The following GALNT15 variants were observed in gnomAD, a reference collection of about 807,000 sequenced individuals.
GALNT15 encodes polypeptide N-acetylgalactosaminyltransferase 15, also known as UDP-GalNAc transferase T15.
In GALNT15, 67 loss-of-function variants were observed where a neutral mutation model predicts 66.8. The ratio of observed to expected loss-of-function variants is 1.00; its 90% CI spans 0.82 to 1.23. The LOEUF (loss-of-function observed/expected upper bound fraction) is 1.23, where lower values mean the gene tolerates loss of function less well. Among genes scored for constraint, GALNT15 ranks in the 50% most tolerant of loss-of-function variants. GALNT15 has a pLI of 0.00. For missense variants in GALNT15, 827 were observed against 804.3 expected, an observed-to-expected ratio of 1.03 and a Z score of -0.34; for synonymous variants, 313 against 311.5, an observed-to-expected ratio of 1.00 and a Z score of -0.05.
downstream of GALNT15, among the ~76,000 whole-genome samples, chr3:16,234,315 C>T (rs899289730): frequency 1.9e-4 from 29 of 152,114 alleles, no homozygotes; most frequent in African/African-American, 6.5e-4. Context: ...ATTTCTTCAC[C>T]TGGGTTTCTT....
rs1359261721 is a variant in GALNT15, at chr3:16,187,804, G to T, written c.540-7956G>T. Among the ~76,000 whole-genome samples, 2 of 152,182 alleles carry T rather than the reference G, an allele frequency of 1.3e-5. No homozygotes were observed. Among genetic ancestry groups the T allele is most frequent in the Non-Finnish European group, 2.9e-5 (2 of 68,040 alleles). ...TGTAATAATTCTTGTAATAATTCATGCTGCTAAAGCACAGCACCTGGTACA... is the reference window on the plus strand; with the variant it reads ...TGTAATAATTCTTGTAATAATTCATTCTGCTAAAGCACAGCACCTGGTACA... On this transcript the variant is annotated intron_variant, in intron 1 of 9. Transcript: ENST00000339732. The surrounding 1 kb of genome is among the most constrained non-coding windows in gnomAD (Gnocchi z 5.1).
chr3:16,231,262 A>C (rs764504820), downstream of GALNT15, among the ~76,000 whole-genome samples: 3 of 152,160 alleles, frequency 2.0e-5, no homozygotes, highest in Non-Finnish European at 4.4e-5. The surrounding 1 kb of genome is among the most constrained non-coding windows in gnomAD (Gnocchi z 4.1). Context: ...ACCATGGCAC[A>C]TGTATTCCTA....
chr3:16,233,787 T>C (rs1005496980), downstream of GALNT15, among the ~76,000 whole-genome samples: 1 of 152,216 alleles, frequency 6.6e-6, no homozygotes, highest in Non-Finnish European at 1.5e-5. Flanking sequence ...AGCAAATAAA[T>C]TAATAGCTCA....
the GALNT15 span, chr3:16,243,997 T>G: frequency 1.0e-6 from 1 of 985,304 alleles, no homozygotes; most frequent in Non-Finnish European, 1.2e-6. Flanking sequence ...GACTTTTTCT[T>G]TCTCAGGTCT....
the GALNT15 span, among the ~76,000 whole-genome samples, chr3:16,237,701 T>C: frequency 6.6e-6 from 1 of 152,184 alleles, no homozygotes. This position sits in a 1 kb window ranked among gnomAD's most constrained non-coding sequence, Gnocchi z 4.2. Context: ...GGAATGTAAC[T>C]CTTTGAGAGT....
At chr3:16,210,578 T>A (rs2063801551) in intron 4 of GALNT15, among the ~76,000 whole-genome samples, 1 of 152,214 alleles carries the variant, frequency 6.6e-6, no homozygotes, top group Admixed American at 6.5e-5. Context: ...TATTAAAGGT[T>A]TCTAGCTTCT....
At chr3:16,220,568 G>C (rs907479388) in intron 8 of GALNT15, among the ~76,000 whole-genome samples, 1 of 152,178 alleles carries the variant, frequency 6.6e-6, no homozygotes, top group Non-Finnish European at 1.5e-5. Context: ...GGGCTGGTAG[G>C]TCCACTTCTT....
chr3:16,224,427 T>C lies in GALNT15; in HGVS notation c.1773+1669T>C, dbSNP rs1346360187. Among the ~76,000 whole-genome samples, 1 of 152,184 alleles carries C rather than the reference T, an allele frequency of 6.6e-6. No individual in the cohort carries two copies. Among genetic ancestry groups the C allele is most frequent in the Non-Finnish European group, 1.5e-5 (1 of 68,030 alleles). ...CCATCACAAAAGGACAAAAACTGTA[T>C]GATTCCACTTTTATGAGATATCTAA... On this transcript the variant is annotated intron_variant, in intron 9 of 9. Transcript: ENST00000339732. This position sits in a 1 kb window ranked among gnomAD's most constrained non-coding sequence, Gnocchi z 5.2.
downstream of GALNT15, among the ~76,000 whole-genome samples, chr3:16,232,474 ATATATATATAT>A (rs2064092848): frequency 2.3e-4 from 12 of 51,768 alleles, 2 homozygotes; most frequent in Non-Finnish European, 3.7e-4. Flanking sequence ...AAATAAATAT[ATATATATATAT>A]ATATATATAT....
chr3:16,178,980 TC>T (rs2063442272), intron 1 of GALNT15, among the ~76,000 whole-genome samples: 2 of 152,154 alleles, frequency 1.3e-5, no homozygotes, highest in South Asian at 4.1e-4. Context: ...TGTTGTCCTT[TC>T]CCCCCTGCCC....
chr3:16,210,747 C>T (rs779449158), intron 4 of GALNT15, among the ~76,000 whole-genome samples: 3 of 152,154 alleles, frequency 2.0e-5, no homozygotes, highest in African/African-American at 7.2e-5. Flanking sequence ...CTGACCATGT[C>T]GCCGTGTCAG....
intron 2 of GALNT15, 139 bp downstream of exon 2, chr3:16,196,065 C>T (rs2063632367): frequency 2.5e-6 from 2 of 799,792 alleles, no homozygotes; most frequent in Admixed American, 5.4e-5. Flanking sequence ...GATTAATGGG[C>T]AAGTAACTTA....
At chr3:16,208,257 C>A (rs2063778640) in intron 3 of GALNT15, among the ~76,000 whole-genome samples, 1 of 152,032 alleles carries the variant, frequency 6.6e-6, no homozygotes, top group South Asian at 2.1e-4. Context: ...CCCAATATAT[C>A]CAAAATATTA....
At chr3:16,244,028 C>G in the GALNT15 span, 1 of 984,188 alleles carries the variant, frequency 1.0e-6, no homozygotes, top group African/African-American at 1.7e-5. Context: ...AGGCTCTGCA[C>G]ACTCAGAAGA....
At chr3:16,202,078 T>C (rs2063709363) in intron 3 of GALNT15, among the ~76,000 whole-genome samples, 1 of 152,252 alleles carries the variant, frequency 6.6e-6, no homozygotes, top group Non-Finnish European at 1.5e-5. Flanking sequence ...AAAAAATTCC[T>C]GGACCAGATC....
chr3:16,184,705 G>A lies in GALNT15; in HGVS notation c.539+9015G>A, dbSNP rs1047066772. 1.1e-4 allele frequency among the ~76,000 whole-genome samples: 17 copies of A among 152,350 alleles called. No individual in the cohort carries two copies. Among genetic ancestry groups the A allele is most frequent in the African/African-American group, 4.1e-4 (17 of 41,582 alleles). On this transcript the variant is annotated intron_variant, in intron 1 of 9. Transcript: ENST00000339732. The surrounding 1 kb of genome is among the most constrained non-coding windows in gnomAD (Gnocchi z 5.0). Reference sequence around the variant, plus strand: ...GGCTTCATTTTGCCGGTTATCCCAAGAAGCACGGGTAGGGGCTCAGGAAAG... The same window carrying A: ...GGCTTCATTTTGCCGGTTATCCCAAAAAGCACGGGTAGGGGCTCAGGAAAG...
At chr3:16,179,809 G>A (rs2063450168) in intron 1 of GALNT15, among the ~76,000 whole-genome samples, 1 of 152,172 alleles carries the variant, frequency 6.6e-6, no homozygotes, top group Non-Finnish European at 1.5e-5. Context: ...AAAACTGAAT[G>A]AATACTGAGG....
the GALNT15 span, among the ~76,000 whole-genome samples, chr3:16,243,681 G>A: frequency 6.6e-6 from 1 of 152,214 alleles, no homozygotes; most frequent in Non-Finnish European, 1.5e-5. Context: ...AGATTGGGAA[G>A]CATGGTCTTG....
chr3:16,212,804 G>T (rs770420906), intron 6 of GALNT15, 41 bp downstream of exon 6: 1 of 1,556,428 alleles, frequency 6.4e-7, no homozygotes, highest in African/African-American at 1.4e-5. Flanking sequence ...TCCAGCACAG[G>T]GCCACTAGCA....
Sources: gnomAD v4.1 joint callset for allele counts (sites outside exome capture counted in the v4.1 genomes callset) on GRCh38, gnomAD v4.1.1 for gene constraint, Gnocchi (gnomAD v3.1) non-coding constraint, MANE v1.5 for transcripts, NCBI Gene and HGNC (gene_info 2026-07-23, HGNC 2026-07-21) for gene names.